Variants in TMTC1 observed in about 807,000 individuals in gnomAD.
TMTC1 encodes protein O-mannosyl-transferase TMTC1.
In TMTC1, 73 loss-of-function variants were observed where a neutral mutation model predicts 104.8. That is an observed-to-expected ratio of 0.70 (90% CI 0.58 to 0.85). The LOEUF (loss-of-function observed/expected upper bound fraction) is 0.85, where lower values mean the gene tolerates loss of function less well. Ranked by LOEUF, TMTC1 falls within the 40% of genes least tolerant of loss-of-function variation. The probability of loss-of-function intolerance (pLI) is 0.00; values close to 1 mark genes in which losing one functional copy is unlikely to be tolerated. For synonymous variants in TMTC1, 434 were observed against 428.7 expected, an observed-to-expected ratio of 1.01 and a Z score of -0.15; for missense variants, 1,035 against 1,096.1, an observed-to-expected ratio of 0.94 and a Z score of 0.79.
intron 5 of TMTC1, among the ~76,000 whole-genome samples, chr12:29,678,966 C>T (rs1940822095): frequency 6.6e-6 from 1 of 152,102 alleles, no homozygotes; most frequent in African/African-American, 2.4e-5. Flanking sequence ...CAACCATTAG[C>T]AATCACACTC....
intron 5 of TMTC1, among the ~76,000 whole-genome samples, chr12:29,722,707 G>A (rs1942269233): frequency 1.3e-5 from 2 of 151,890 alleles, no homozygotes; most frequent in South Asian, 4.2e-4. Flanking sequence ...AACACCTGAG[G>A]TCAGGAGTTC....
At chr12:29,617,534 A>AGAGAGAGAGAGAGAGAG (rs1565713063) in intron 6 of TMTC1, among the ~76,000 whole-genome samples, 2 of 141,840 alleles carry the variant, frequency 1.4e-5, no homozygotes, top group African/African-American at 5.6e-5. Context: ...CAAAACAGAC[A>AGAGAGAGAGAGAGAGAG]ACAGAGAGAG....
intron 8 of TMTC1, among the ~76,000 whole-genome samples, chr12:29,580,547 G>A (rs1292273644): frequency 6.6e-6 from 1 of 152,094 alleles, no homozygotes; most frequent in African/African-American, 2.4e-5. Context: ...CACATAATTA[G>A]AGAGGCCTCA....
At chr12:29,611,616 A>G (rs1946848363) in intron 6 of TMTC1, among the ~76,000 whole-genome samples, 1 of 152,322 alleles carries the variant, frequency 6.6e-6, no homozygotes, top group African/African-American at 2.4e-5. Context: ...GACATAGAAA[A>G]AGTTAGAAAT....
intron 5 of TMTC1, among the ~76,000 whole-genome samples, chr12:29,737,081 C>A (rs1376385182): frequency 6.6e-6 from 1 of 152,234 alleles, no homozygotes; most frequent in Non-Finnish European, 1.5e-5. Context: ...AAATGTGACA[C>A]GTCGCACCCG....
At chr12:29,710,924 T>TATAC (rs577866975) in intron 5 of TMTC1, among the ~76,000 whole-genome samples, 1 of 20,926 alleles carries the variant, frequency 4.8e-5, no homozygotes, top group Non-Finnish European at 3.7e-4. Flanking sequence ...TAAATATATA[T>TATAC]AAATATATTA....
At chr12:29,749,279 T>G (rs1253926598) in intron 5 of TMTC1, among the ~76,000 whole-genome samples, 1 of 152,128 alleles carries the variant, frequency 6.6e-6, no homozygotes, top group Non-Finnish European at 1.5e-5. Flanking sequence ...TTCCTCCCAC[T>G]AACAACCTTT....
intron 11 of TMTC1, among the ~76,000 whole-genome samples, chr12:29,529,367 A>G (rs2288133): frequency 0.25 from 37,929 of 152,002 alleles, 5,001 homozygotes; most frequent in East Asian, 0.38. Context: ...AAATGTTTCC[A>G]GTGCCCTGAC....
chr12:29,711,863 C>T (rs868112317), intron 5 of TMTC1, among the ~76,000 whole-genome samples: 3 of 151,750 alleles, frequency 2.0e-5, no homozygotes, highest in South Asian at 4.2e-4. Context: ...AAAAATTAGC[C>T]GAGCATGGTG....
chr12:29,751,718 G>T lies in TMTC1; in HGVS notation c.886C>A (p.Pro296Thr), dbSNP rs187929322. Residue 296 changes from proline to threonine, a missense_variant, in exon 5 of 18, where the codon CCC (proline) becomes ACC (threonine). Coordinates refer to ENST00000539277, the MANE Select transcript of TMTC1 (RefSeq NM_001193451.2). ...GACACTGGGAATCCACTGCTCTTGG[G>T]TTCTGGTGGCAGTGGAGAGTGGCAG... ...GGCHSPLPPE[P>T]KSSGFPVSPR... 1 of 1,614,138 alleles carries T rather than the reference G, an allele frequency of 6.2e-7. No homozygotes were observed.
intron 14 of TMTC1, 123 bp downstream of exon 14, chr12:29,517,304 G>T: frequency 9.7e-7 from 1 of 1,034,982 alleles, no homozygotes. Flanking sequence ...TTAGCTGTAT[G>T]AATATTCATA....
At chr12:29,756,335 C>A (rs370162572) in intron 3 of TMTC1, among the ~76,000 whole-genome samples, 1 of 152,072 alleles carries the variant, frequency 6.6e-6, no homozygotes, top group Admixed American at 6.5e-5. Flanking sequence ...GGGATTATAG[C>A]GTTGTAGGGG....
At chr12:29,612,559 G>C (rs879537966) in intron 6 of TMTC1, among the ~76,000 whole-genome samples, 1 of 152,086 alleles carries the variant, frequency 6.6e-6, no homozygotes, top group Non-Finnish European at 1.5e-5. Context: ...TTACAGACAT[G>C]TGCCATCATG....
intron 5 of TMTC1, among the ~76,000 whole-genome samples, chr12:29,643,968 CATATAAATAT>C (rs1412075784): frequency 1.1e-5 from 1 of 94,280 alleles, no homozygotes; most frequent in Non-Finnish European, 2.0e-5. Context: ...TATATACTTA[CATATAAATAT>C]ATATAAATAT....
At chr12:29,563,483 G>A (rs561194154) in intron 9 of TMTC1, among the ~76,000 whole-genome samples, 1 of 152,226 alleles carries the variant, frequency 6.6e-6, no homozygotes, top group South Asian at 2.1e-4. Flanking sequence ...CATGAGGAGT[G>A]GGGAGGAGAG....
intron 5 of TMTC1, chr12:29,640,748 T>C (rs1256720942): frequency 1.3e-5 from 2 of 152,210 alleles, no homozygotes; most frequent in Admixed American, 1.3e-4. Context: ...TTGTAACAGT[T>C]TGAACGGGGT....
rs187280044 is a variant in TMTC1, at chr12:29,685,379, A to T, written c.939-52043T>A. ...ATTATTTCCAAAATAAAAAAAAAAA[A>T]ACTTTCCAGGAAAGCAGAGAATAGC... On this transcript the variant is annotated intron_variant, in intron 5 of 17. Coordinates refer to ENST00000539277, the MANE Select transcript of TMTC1 (RefSeq NM_001193451.2). 1.2e-3 allele frequency among the ~76,000 whole-genome samples: 177 copies of T among 152,182 alleles called. 1 individual carries two copies. The highest frequency in any genetic ancestry group is 3.5e-3 in the African/African-American group (144 of 41,560).
chr12:29,685,159 T>C (rs1192954319), intron 5 of TMTC1, among the ~76,000 whole-genome samples: 1 of 152,020 alleles, frequency 6.6e-6, no homozygotes. Context: ...TAACTAGATA[T>C]CAAGTACTAT....
chr12:29,682,995 A>G (rs1017791243), intron 5 of TMTC1, among the ~76,000 whole-genome samples: 7 of 152,214 alleles, frequency 4.6e-5, no homozygotes, highest in African/African-American at 1.7e-4. Context: ...TCTCTCTACT[A>G]TTTCTAGATT....
Sources: gnomAD v4.1 joint callset for allele counts (sites outside exome capture counted in the v4.1 genomes callset) on GRCh38, gnomAD v4.1.1 for gene constraint, MANE v1.5 for transcripts, NCBI Gene and HGNC (gene_info 2026-07-23, HGNC 2026-07-21) for gene names.